The following RHOA variants were observed in gnomAD, a reference collection of about 807,000 sequenced individuals.
RHOA encodes transforming protein RhoA.
RHOA carries 3 observed loss-of-function variants against 17.5 expected under a neutral mutation model. The ratio of observed to expected loss-of-function variants is 0.17; its 90% CI spans 0.08 to 0.44. The LOEUF is 0.44. Ranked by LOEUF, RHOA falls within the 20% of genes least tolerant of loss-of-function variation. The pLI is 0.99. For missense variants in RHOA, 56 were observed against 242.3 expected (o/e 0.23, Z 5.10); for synonymous variants, 98 against 88.4 (o/e 1.11, Z -0.61).
chr3:49,378,175 A>G (rs1342209300), intron 1 of RHOA, among the ~76,000 whole-genome samples: 1 of 150,050 alleles, frequency 6.7e-6, no homozygotes, highest in Non-Finnish European at 1.5e-5. Context: ...TGTCTTAAAA[A>G]AAAAAAAAAA....
chr3:49,409,182 G>A (rs1231859776), intron 1 of RHOA, among the ~76,000 whole-genome samples: 1 of 151,704 alleles, frequency 6.6e-6, no homozygotes, highest in Admixed American at 6.6e-5. Flanking sequence ...ATCACCTGAG[G>A]TCAGGAGTTC....
intron 1 of RHOA, among the ~76,000 whole-genome samples, chr3:49,385,966 C>A (rs1306148089): frequency 6.6e-6 from 1 of 152,144 alleles, no homozygotes; most frequent in East Asian, 1.9e-4. Context: ...GTACCACAGT[C>A]TTGATTACTG....
In RHOA at chr3:49,359,221, G is replaced by A. The variant is rs1024858032; in HGVS notation, c.*988C>T. ...GAAAAAAAGTTTAGTCAGCTGGAGA[G>A]AAGAGAGACTGAGTGCCACCCATGA... On this transcript the variant is annotated 3_prime_UTR_variant, in exon 5 of 5. Transcript: ENST00000418115. 5.2e-6 allele frequency: 1 copy of A among 190,714 alleles called. No individual in the cohort carries two copies. The highest frequency in any genetic ancestry group is 1.1e-5 in the Non-Finnish European group (1 of 90,816). 11.8% of individuals were successfully genotyped at this position (190,714 alleles called of 1,614,324 possible).
intron 4 of RHOA, 31 bp downstream of exon 4, chr3:49,362,465 T>C (rs1474279579): frequency 6.5e-7 from 1 of 1,541,888 alleles, no homozygotes; most frequent in South Asian, 1.3e-5. Flanking sequence ...AGTTCAAGAA[T>C]ACTACAAGAC....
intron 4 of RHOA, 101 bp downstream of exon 4, chr3:49,362,395 A>C (rs1156553985): frequency 7.4e-7 from 1 of 1,348,698 alleles, no homozygotes; most frequent in Non-Finnish European, 9.9e-7. Context: ...TGAGCCTCTA[A>C]AACAACCTGG....
intron 1 of RHOA, among the ~76,000 whole-genome samples, chr3:49,405,521 C>T (rs2048818766): frequency 6.6e-6 from 1 of 152,140 alleles, no homozygotes; most frequent in African/African-American, 2.4e-5. Context: ...TCTCATGGCG[C>T]TTCCTTACCA....
intron 1 of RHOA, among the ~76,000 whole-genome samples, chr3:49,387,915 T>C (rs762091099): frequency 1.4e-4 from 21 of 152,144 alleles, no homozygotes; most frequent in Non-Finnish European, 2.4e-4. Flanking sequence ...TCTTGGTTCT[T>C]TGGTTCTAGC....
At chr3:49,398,283 G>A (rs1292504373) in intron 1 of RHOA, among the ~76,000 whole-genome samples, 2 of 151,942 alleles carry the variant, frequency 1.3e-5, no homozygotes, top group Non-Finnish European at 1.5e-5. Context: ...CCCAGAAGGC[G>A]GAGGTTGCTG....
intron 2 of RHOA, among the ~76,000 whole-genome samples, chr3:49,372,303 C>T (rs2048158510): frequency 6.6e-6 from 1 of 152,156 alleles, no homozygotes; most frequent in South Asian, 2.1e-4. Flanking sequence ...TATTGGTTTG[C>T]CACCTTCAGG....
chr3:49,366,127 C>T (rs1023962934), intron 3 of RHOA, among the ~76,000 whole-genome samples: 8 of 152,238 alleles, frequency 5.3e-5, no homozygotes, highest in Admixed American at 3.9e-4. Context: ...AAGAATTATA[C>T]ACTAGATAAC....
chr3:49,391,215 C>CAA (rs1369392165), intron 1 of RHOA, among the ~76,000 whole-genome samples: 1 of 77,812 alleles, frequency 1.3e-5, no homozygotes, highest in Non-Finnish European at 2.6e-5. Context: ...AACGCCGTCT[C>CAA]AAAAAAAAAA....
intron 1 of RHOA, among the ~76,000 whole-genome samples, chr3:49,381,323 T>C (rs900346219): frequency 8.6e-5 from 13 of 151,200 alleles, no homozygotes; most frequent in Non-Finnish European, 1.8e-4. Flanking sequence ...GAGAATCTCC[T>C]GAACTCAGGA....
chr3:49,375,185 G>A (rs1575653358), intron 2 of RHOA, among the ~76,000 whole-genome samples: 1 of 151,984 alleles, frequency 6.6e-6, no homozygotes, highest in Admixed American at 6.6e-5. Flanking sequence ...ACTTGAACCT[G>A]GGAGGCAGAG....
intron 1 of RHOA, among the ~76,000 whole-genome samples, chr3:49,408,259 TACGTATAC>T (rs2048871819): frequency 1.9e-5 from 1 of 52,868 alleles, no homozygotes; most frequent in South Asian, 1.8e-3. Context: ...CACATATATA[TACGTATAC>T]ACGTATATAC....
At chr3:49,369,169 G>T (rs1223397986) in intron 2 of RHOA, among the ~76,000 whole-genome samples, 1 of 149,176 alleles carries the variant, frequency 6.7e-6, no homozygotes, top group Non-Finnish European at 1.5e-5. Context: ...GACTACAGGC[G>T]CCCGCCACCA....
chr3:49,361,015 G>C lies in RHOA; in HGVS notation c.409-633C>G, dbSNP rs188447128. 1.2e-3 allele frequency: 269 copies of C among 232,574 alleles called. 6 individuals carry two copies. Among genetic ancestry groups the C allele is most frequent in the Admixed American group, 0.011 (217 of 19,488 alleles). The allele number at this position is 232,574 out of a possible 1,614,324, so 14.4% of individuals were successfully genotyped here. A position where few individuals can be genotyped will look rare whatever the true frequency, so the allele number is the denominator to read the frequency against. On this transcript the variant is annotated intron_variant, in intron 4 of 4. Transcript: ENST00000418115. ...TTAAATCTGGGAGGCGGAGGTTGCA[G>C]TTGAGCCAAGATCGTGCCACAGCAC...
intron 4 of RHOA, chr3:49,361,029 G>C (rs1357767178): frequency 5.3e-6 from 1 of 188,316 alleles, no homozygotes; most frequent in East Asian, 2.0e-4. Context: ...AGCCAAGATC[G>C]TGCCACAGCA....
At chr3:49,378,218 C>T (rs1318128251) in intron 1 of RHOA, among the ~76,000 whole-genome samples, 6 of 138,100 alleles carry the variant, frequency 4.3e-5, no homozygotes, top group Non-Finnish European at 7.8e-5. Context: ...ACATGAAGTA[C>T]GCTATTTATC....
intron 1 of RHOA, among the ~76,000 whole-genome samples, chr3:49,403,797 C>T (rs1181679329): frequency 6.6e-6 from 1 of 152,044 alleles, no homozygotes; most frequent in African/African-American, 2.4e-5. Flanking sequence ...GCAAATTAAA[C>T]CTCCATGAAG....
Sources: gnomAD v4.1 joint callset for allele counts (sites outside exome capture counted in the v4.1 genomes callset) on GRCh38, gnomAD v4.1.1 for gene constraint, MANE v1.5 for transcripts, NCBI Gene and HGNC (gene_info 2026-07-23, HGNC 2026-07-21) for gene names.